Variants in PRKN observed in about 807,000 individuals in gnomAD.
PRKN encodes E3 ubiquitin-protein ligase parkin.
PRKN carries 56 observed loss-of-function variants against 59.5 expected under a neutral mutation model. The ratio of observed to expected loss-of-function variants is 0.94; its 90% CI spans 0.76 to 1.18. The LOEUF is 1.18. Ranked by LOEUF, PRKN falls within the 50% of genes most tolerant of loss-of-function variation. The probability of loss-of-function intolerance (pLI) is 0.00; values close to 1 mark genes in which losing one functional copy is unlikely to be tolerated. For synonymous variants in PRKN, 250 were observed against 222.1 expected (o/e 1.13, Z -1.12); for missense variants, 657 against 596.4 (o/e 1.10, Z -1.06).
intron 2 of PRKN, among the ~76,000 whole-genome samples, chr6:162,351,832 TTGTG>T (rs565646322): frequency 6.6e-6 from 1 of 151,176 alleles, no homozygotes; most frequent in Non-Finnish European, 1.5e-5. Context: ...TTGTGTGTGT[TTGTG>T]TGTGTGTGTG....
At chr6:162,171,623 C>G (rs911762646) in intron 4 of PRKN, among the ~76,000 whole-genome samples, 1 of 152,072 alleles carries the variant, frequency 6.6e-6, no homozygotes, top group African/African-American at 2.4e-5. Context: ...TAGGGCTGCA[C>G]ACGCCTGACA....
At chr6:162,134,939 T>G (rs1461923657) in intron 4 of PRKN, among the ~76,000 whole-genome samples, 2 of 152,192 alleles carry the variant, frequency 1.3e-5, no homozygotes, top group Non-Finnish European at 2.9e-5. Flanking sequence ...ATACTGAAAC[T>G]ATGACAAGCC....
chr6:161,422,225 G>A (rs1788136853), intron 9 of PRKN, among the ~76,000 whole-genome samples: 2 of 143,748 alleles, frequency 1.4e-5, no homozygotes, highest in African/African-American at 5.3e-5. Context: ...TTGAGATGGA[G>A]TCTCACTCTG....
chr6:162,144,665 A>T (rs1014674350), intron 4 of PRKN, among the ~76,000 whole-genome samples: 11 of 152,184 alleles, frequency 7.2e-5, no homozygotes, highest in Non-Finnish European at 5.9e-5. Flanking sequence ...ATGACAGCTT[A>T]CATAGTTGAT....
At position 162,528,316 on chromosome 6, in the gene PRKN, C is replaced by T. The variant is rs1184260541; in HGVS notation, c.8-84843G>A. ...CAGCCTGGGTGAAGTGAAACTCCGT[C>T]TCAAAAGAAAAAAAAAAAAATTTAC... On this transcript the variant is annotated intron_variant, in intron 1 of 11. Transcript: ENST00000366898. 1.5e-4 allele frequency among the ~76,000 whole-genome samples: 20 copies of T among 130,072 alleles called. 5 individuals carry two copies. The highest frequency in any genetic ancestry group is 1.5e-3 in the Admixed American group (19 of 13,094). The allele number at this position is 130,072 out of a possible 152,430, so 85.3% of individuals were successfully genotyped here.
intron 5 of PRKN, among the ~76,000 whole-genome samples, chr6:162,034,932 T>C (rs531573303): frequency 3.3e-5 from 5 of 152,324 alleles, no homozygotes; most frequent in Admixed American, 3.3e-4. Context: ...TCCTTTTGCA[T>C]TGCTATAAAG....
At chr6:161,662,706 G>T (rs1031214678) in intron 7 of PRKN, among the ~76,000 whole-genome samples, 1 of 152,072 alleles carries the variant, frequency 6.6e-6, no homozygotes, top group African/African-American at 2.4e-5. Flanking sequence ...TATGAATGTG[G>T]GTTCCTAACC....
chr6:161,991,683 C>G (rs1380867150), intron 5 of PRKN, among the ~76,000 whole-genome samples: 1 of 151,548 alleles, frequency 6.6e-6, no homozygotes, highest in African/African-American at 2.4e-5. Context: ...CTCTACTAAA[C>G]ATACAAAAAA....
chr6:161,708,946 G>T (rs140415200), intron 7 of PRKN, among the ~76,000 whole-genome samples: 1 of 152,166 alleles, frequency 6.6e-6, no homozygotes, highest in Non-Finnish European at 1.5e-5. Flanking sequence ...TGAAGGAAAG[G>T]TTACACATCT....
In PRKN at chr6:162,443,300, G is replaced by C. The variant is rs372834955; in HGVS notation, c.171+10C>G. 6.2e-7 allele frequency: 1 copy of C among 1,612,014 alleles called. No homozygotes were observed. The highest frequency in any genetic ancestry group is 1.3e-5 in the African/African-American group (1 of 74,848). On this transcript the variant is annotated intron_variant, in intron 2 of 11. Transcript: ENST00000366898. ...CGGCATCCCAAGAACGGCCGCCAAG[G>C]GAGACTCACCTGCACAGTCCAGTCA... is the stretch of plus-strand genomic sequence containing the variant.
intron 7 of PRKN, among the ~76,000 whole-genome samples, chr6:161,663,897 G>C (rs1465086080): frequency 6.6e-6 from 1 of 152,180 alleles, no homozygotes; most frequent in Non-Finnish European, 1.5e-5. Flanking sequence ...GCACATGGGG[G>C]AGTGGCTTGG....
chr6:161,567,037 T>TTTTGTGTGTG (rs548743646), intron 8 of PRKN, among the ~76,000 whole-genome samples: 2 of 103,770 alleles, frequency 1.9e-5, no homozygotes, highest in South Asian at 3.9e-4. Context: ...TTTTTTTTTT[T>TTTTGTGTGTG]TGTGTGTGTG....
At chr6:161,626,705 T>C (rs905925693) in intron 7 of PRKN, among the ~76,000 whole-genome samples, 2 of 152,082 alleles carry the variant, frequency 1.3e-5, no homozygotes, top group African/African-American at 2.4e-5. Flanking sequence ...GACACAGATA[T>C]CTAGTGAAAG....
intron 3 of PRKN, among the ~76,000 whole-genome samples, chr6:162,229,018 T>C (rs1273811859): frequency 6.6e-6 from 1 of 152,166 alleles, no homozygotes; most frequent in African/African-American, 2.4e-5. Flanking sequence ...ACCACTTCTG[T>C]TTTCTATCCA....
intron 9 of PRKN, among the ~76,000 whole-genome samples, chr6:161,540,563 G>A (rs960351602): frequency 6.6e-6 from 1 of 152,134 alleles, no homozygotes; most frequent in African/African-American, 2.4e-5. Context: ...GAACTATTGT[G>A]GGCCTAATGG....
At chr6:161,983,916 A>T (rs9456728) in intron 5 of PRKN, among the ~76,000 whole-genome samples, 62,286 of 148,460 alleles carry the variant, frequency 0.42, 15,958 homozygotes, top group South Asian at 0.59. Context: ...TAAAAAAAAA[A>T]AAAATAAAAT....
intron 6 of PRKN, among the ~76,000 whole-genome samples, chr6:161,788,841 T>C (rs1288646087): frequency 6.6e-6 from 1 of 152,258 alleles, no homozygotes; most frequent in East Asian, 1.9e-4. Context: ...TCAGGAATTC[T>C]GATTGTCTAT....
intron 4 of PRKN, among the ~76,000 whole-genome samples, chr6:162,189,549 A>G (rs897689236): frequency 1.3e-5 from 2 of 151,524 alleles, no homozygotes; most frequent in African/African-American, 4.8e-5. Flanking sequence ...TAGTAATAAG[A>G]ATAAAAATAT....
intron 2 of PRKN, among the ~76,000 whole-genome samples, chr6:162,282,535 T>C (rs1034080809): frequency 2.6e-5 from 4 of 152,212 alleles, no homozygotes; most frequent in African/African-American, 7.2e-5. Context: ...TTCTCACATA[T>C]GTCCTCAAAA....
Sources: allele counts gnomAD v4.1 joint callset (sites outside exome capture counted in the v4.1 genomes callset), GRCh38; gene constraint gnomAD v4.1.1; transcripts MANE v1.5; gene names NCBI Gene and HGNC (gene_info 2026-07-23, HGNC 2026-07-21).